Variants in FRMD6 observed in about 807,000 individuals in gnomAD.
The protein encoded by FRMD6 is FERM domain containing 6, also known as FERM domain-containing protein 6.
A neutral mutation model predicts 73.2 loss-of-function variants in FRMD6; 37 were observed. The ratio of observed to expected loss-of-function variants is 0.51; its 90% CI spans 0.39 to 0.66. FRMD6 has a LOEUF of 0.66. Ranked by LOEUF, FRMD6 falls within the 30% of genes least tolerant of loss-of-function variation. The probability of loss-of-function intolerance (pLI) is 0.00; values close to 1 mark genes in which losing one functional copy is unlikely to be tolerated. For missense variants in FRMD6, 714 were observed against 780.5 expected, an observed-to-expected ratio of 0.91 and a Z score of 1.02; for synonymous variants, 273 against 282.2, an observed-to-expected ratio of 0.97 and a Z score of 0.33.
the FRMD6 span, among the ~76,000 whole-genome samples, chr14:51,437,658 CT>C: frequency 6.6e-6 from 1 of 152,170 alleles, no homozygotes; most frequent in Non-Finnish European, 1.5e-5. Flanking sequence ...TGCAGTCTTC[CT>C]TTTTCCCTTT....
the FRMD6 span, among the ~76,000 whole-genome samples, chr14:51,479,659 T>C: frequency 6.6e-6 from 1 of 152,216 alleles, no homozygotes; most frequent in Non-Finnish European, 1.5e-5. Flanking sequence ...ATTACTGTCA[T>C]GTAAATAATT....
intron 1 of FRMD6, among the ~76,000 whole-genome samples, chr14:51,535,303 A>G (rs1236592124): frequency 6.6e-6 from 1 of 152,232 alleles, no homozygotes; most frequent in Non-Finnish European, 1.5e-5. Context: ...TCAATTTTAG[A>G]ACACTTTTAC....
intron 4 of FRMD6, among the ~76,000 whole-genome samples, chr14:51,701,828 A>C (rs1424290090): frequency 1.3e-5 from 2 of 151,776 alleles, no homozygotes; most frequent in Non-Finnish European, 2.9e-5. Context: ...GCTGTTCTAG[A>C]AGTTATTACT....
intron 1 of FRMD6, among the ~76,000 whole-genome samples, chr14:51,497,983 T>G (rs1883400514): frequency 6.6e-6 from 1 of 152,130 alleles, no homozygotes; most frequent in Non-Finnish European, 1.5e-5. Flanking sequence ...CCTGAAACCA[T>G]TTTTTACTTT....
At chr14:51,403,338 G>A in the FRMD6 span, among the ~76,000 whole-genome samples, 1 of 152,032 alleles carries the variant, frequency 6.6e-6, no homozygotes, top group East Asian at 1.9e-4. Flanking sequence ...ATATTGTTTA[G>A]TTTTACCTGT....
At chr14:51,607,323 A>G (rs541383399) in intron 2 of FRMD6, among the ~76,000 whole-genome samples, 25 of 152,214 alleles carry the variant, frequency 1.6e-4, no homozygotes, top group Admixed American at 8.5e-4. Flanking sequence ...CTATGAAACT[A>G]TCAATATTTG....
At chr14:51,627,553 C>T (rs370120657) in intron 2 of FRMD6, among the ~76,000 whole-genome samples, 3 of 152,060 alleles carry the variant, frequency 2.0e-5, no homozygotes, top group Non-Finnish European at 4.4e-5. Context: ...GAGCACTGGG[C>T]AGAGATAGGC....
At chr14:51,577,038 C>T (rs1888443741) in intron 2 of FRMD6, among the ~76,000 whole-genome samples, 1 of 152,138 alleles carries the variant, frequency 6.6e-6, no homozygotes, top group Non-Finnish European at 1.5e-5. Flanking sequence ...TGGGGCTAAG[C>T]CTCCTTTAGT....
At chr14:51,551,362 A>G (rs1886823028) in intron 1 of FRMD6, among the ~76,000 whole-genome samples, 1 of 152,240 alleles carries the variant, frequency 6.6e-6, no homozygotes, top group South Asian at 2.1e-4. Context: ...TATAGATAGT[A>G]AAAAGGAAGA....
At chr14:51,402,355 C>T in the FRMD6 span, among the ~76,000 whole-genome samples, 64 of 152,262 alleles carry the variant, frequency 4.2e-4, 1 homozygote, top group Middle Eastern at 3.4e-3. Context: ...CTCATTCCCA[C>T]GTGTTGTAGA....
Position 51,518,354 on chromosome 14 carries a change from G to T in FRMD6, c.-210+28934G>T, listed in dbSNP as rs143549563. Among the ~76,000 whole-genome samples the T allele has an allele frequency of 6.6e-5, 10 of 152,256 alleles. No homozygotes were observed. The East Asian group carries it at 1.9e-3, about 29-fold the overall frequency. Reference sequence around the variant, plus strand: ...ATCCATGGCACCCTGTAGGCAAGGGGATTTTTCTCTAAGGGCAGCGAAAAA... The same window carrying T: ...ATCCATGGCACCCTGTAGGCAAGGGTATTTTTCTCTAAGGGCAGCGAAAAA... On this transcript the variant is annotated intron_variant, in intron 1 of 14. Transcript: ENST00000356218.
chr14:51,668,441 G>A (rs1893758984), intron 1 of FRMD6, among the ~76,000 whole-genome samples: 1 of 152,024 alleles, frequency 6.6e-6, no homozygotes. Flanking sequence ...GAGTAGCTGG[G>A]ATTACAGGCA....
In FRMD6 at chr14:51,715,404, C is replaced by G; in HGVS notation, c.929C>G (p.Ser310Cys). The change falls in exon 10 of 14, where the codon TCC becomes TGC. Residue 310 changes from serine (S) to cysteine (C), a missense_variant. Ser to Cys is a moderately radical substitution (Grantham distance 112, BLOSUM62 -1). Coordinates refer to ENST00000344768, the MANE Select transcript of FRMD6 (RefSeq NM_001267046.2). Reference protein sequence around the residue: ...LIYYTGCPMRSRHLLQLLSNS... With the variant: ...LIYYTGCPMRCRHLLQLLSNS... ...TACTACACGGGGTGCCCCATGCGCT[C>G]CAGACACCTCCTGCAACTTCTGAGC... The G allele has an allele frequency of 6.2e-7, 1 of 1,613,848 alleles. No homozygotes were observed. The highest frequency in any genetic ancestry group is 8.5e-7 in the Non-Finnish European group (1 of 1,179,852).
intron 1 of FRMD6, among the ~76,000 whole-genome samples, chr14:51,660,277 A>G (rs1893124680): frequency 6.6e-6 from 1 of 152,214 alleles, no homozygotes; most frequent in African/African-American, 2.4e-5. Flanking sequence ...GTTTGAAAAG[A>G]TATTAGATGT....
chr14:51,597,048 G>A (rs746621517), intron 2 of FRMD6, among the ~76,000 whole-genome samples: 4 of 152,170 alleles, frequency 2.6e-5, no homozygotes, highest in Non-Finnish European at 5.9e-5. Context: ...GTGTCAAAGA[G>A]GGCATTTGCT....
chr14:51,428,626 G>T, the FRMD6 span, among the ~76,000 whole-genome samples: 1 of 152,186 alleles, frequency 6.6e-6, no homozygotes, highest in Non-Finnish European at 1.5e-5. Flanking sequence ...GTGGGAGAGG[G>T]TGAGTGAACT....
At chr14:51,498,540 C>T (rs527613483) in intron 1 of FRMD6, among the ~76,000 whole-genome samples, 1 of 152,202 alleles carries the variant, frequency 6.6e-6, no homozygotes, top group Non-Finnish European at 1.5e-5. Flanking sequence ...ATTACCTGGG[C>T]TTATGCACGT....
intron 10 of FRMD6, among the ~76,000 whole-genome samples, chr14:51,717,042 G>T (rs1490122055): frequency 6.6e-6 from 1 of 152,166 alleles, no homozygotes; most frequent in Non-Finnish European, 1.5e-5. Context: ...GAGCCTTAAA[G>T]AATTAATGAC....
At chr14:51,466,380 T>C in the FRMD6 span, among the ~76,000 whole-genome samples, 1 of 152,226 alleles carries the variant, frequency 6.6e-6, no homozygotes, top group Non-Finnish European at 1.5e-5. Flanking sequence ...AGTTTAATAG[T>C]TGAGGTTTAC....
Sources: gnomAD v4.1 joint callset for allele counts (sites outside exome capture counted in the v4.1 genomes callset) on GRCh38, gnomAD v4.1.1 for gene constraint, MANE v1.5 for transcripts, NCBI Gene and HGNC (gene_info 2026-07-23, HGNC 2026-07-21) for gene names.